MEF2A: variants seen among roughly 807,000 people sequenced by gnomAD.
MEF2A encodes myocyte-specific enhancer factor 2A.
MEF2A carries 28 observed loss-of-function variants against 55.8 expected under a neutral mutation model. The observed-to-expected ratio is 0.50, with a 90% CI of 0.37 to 0.69. The LOEUF is 0.69. Ranked by LOEUF, MEF2A falls within the 30% of genes least tolerant of loss-of-function variation. MEF2A has a pLI of 0.00. For synonymous variants in MEF2A, 239 were observed against 227.1 expected (o/e 1.05, Z -0.47); for missense variants, 528 against 626.2 (o/e 0.84, Z 1.67).
intron 1 of MEF2A, among the ~76,000 whole-genome samples, chr15:99,581,663 G>A (rs2152857375): frequency 6.6e-6 from 1 of 152,004 alleles, no homozygotes; most frequent in African/African-American, 2.4e-5. Context: ...CTATATTGTT[G>A]ATTCTGAAAT....
chr15:99,663,551 G>C (rs974104969), intron 4 of MEF2A, among the ~76,000 whole-genome samples: 8 of 151,464 alleles, frequency 5.3e-5, no homozygotes, highest in Non-Finnish European at 8.8e-5. Flanking sequence ...TATATTTTAT[G>C]TATAAAAGTT....
chr15:99,694,813 C>CT (rs1233366528), intron 8 of MEF2A, among the ~76,000 whole-genome samples: 4 of 152,168 alleles, frequency 2.6e-5, no homozygotes, highest in Non-Finnish European at 4.4e-5. Flanking sequence ...TCTCTTCTCT[C>CT]TCATTTATTC....
At chr15:99,634,792 G>A (rs2043498845) in intron 3 of MEF2A, among the ~76,000 whole-genome samples, 1 of 152,224 alleles carries the variant, frequency 6.6e-6, no homozygotes, top group South Asian at 2.1e-4. Context: ...TAGCTGCTGT[G>A]TCAGCTTCTT....
At chr15:99,637,707 C>G (rs1376527121) in intron 3 of MEF2A, among the ~76,000 whole-genome samples, 1 of 151,986 alleles carries the variant, frequency 6.6e-6, no homozygotes, top group Non-Finnish European at 1.5e-5. Flanking sequence ...CAGTGGCACG[C>G]TGTCGGCTCA....
chr15:99,566,843 G>A (rs898825413), intron 1 of MEF2A, among the ~76,000 whole-genome samples: 1 of 152,182 alleles, frequency 6.6e-6, no homozygotes, highest in African/African-American at 2.4e-5. Flanking sequence ...ACGCCCGATC[G>A]TGCGGGGAGA....
intron 1 of MEF2A, among the ~76,000 whole-genome samples, chr15:99,590,189 T>G (rs1968774203): frequency 6.6e-6 from 1 of 152,036 alleles, no homozygotes; most frequent in South Asian, 2.1e-4. Context: ...GCATAAATGT[T>G]TAGAATTATT....
At chr15:99,691,100 G>GTT (rs3979130) in intron 8 of MEF2A, among the ~76,000 whole-genome samples, 2,393 of 122,886 alleles carry the variant, frequency 0.019, 118 homozygotes, top group Admixed American at 0.064. Context: ...TTCGAATCAG[G>GTT]TTTTTTTTTT....
At chr15:99,608,823 C>T (rs779815541) in intron 2 of MEF2A, among the ~76,000 whole-genome samples, 1 of 152,058 alleles carries the variant, frequency 6.6e-6, no homozygotes, top group South Asian at 2.1e-4. Flanking sequence ...ATCACTTGAA[C>T]CCGAGATGTG....
intron 4 of MEF2A, among the ~76,000 whole-genome samples, chr15:99,664,282 G>T (rs934917796): frequency 6.6e-6 from 1 of 152,188 alleles, no homozygotes; most frequent in African/African-American, 2.4e-5. Flanking sequence ...ACTAAAGAAA[G>T]AATTTGTTGA....
intron 2 of MEF2A, among the ~76,000 whole-genome samples, chr15:99,615,380 A>G (rs1206153387): frequency 2.0e-5 from 3 of 152,140 alleles, no homozygotes; most frequent in Admixed American, 2.0e-4. Flanking sequence ...ACAGTTTTTA[A>G]TATTAAGTAA....
Position 99,700,185 on chromosome 15 carries a change from T to TACACACACACACACAC in MEF2A, c.859-3176_859-3175insCACACACACACACACA, listed in dbSNP as rs371094810. Among the ~76,000 whole-genome samples the TACACACACACACACAC allele has an allele frequency of 1.9e-3, 186 of 100,440 alleles. 4 individuals carry two copies. The highest frequency in any genetic ancestry group is 5.7e-3 in the African/African-American group (166 of 29,024). 65.9% of individuals were successfully genotyped at this position (100,440 alleles called of 152,430 possible). A position where few individuals can be genotyped will look rare whatever the true frequency, so the allele number is the denominator to read the frequency against. ...ACACATACGTATATATGTGTGTATA[T>TACACACACACACACAC]ATACACACACACACACACACACACA... On this transcript the variant is annotated intron_variant, in intron 8 of 11. Transcript: ENST00000557942.
intron 2 of MEF2A, among the ~76,000 whole-genome samples, chr15:99,624,995 A>G (rs1369754288): frequency 6.6e-6 from 1 of 152,180 alleles, no homozygotes; most frequent in African/African-American, 2.4e-5. Context: ...GAGGTAGTCA[A>G]CACTTTATTT....
chr15:99,645,910 T>G (rs1430769686), intron 4 of MEF2A, 146 bp downstream of exon 4: 2 of 582,834 alleles, frequency 3.4e-6, no homozygotes, highest in East Asian at 5.7e-5. Context: ...AGAAGAGTGA[T>G]TGCTGTATGG....
chr15:99,577,873 T>C (rs1162850276), intron 1 of MEF2A, among the ~76,000 whole-genome samples: 3 of 152,230 alleles, frequency 2.0e-5, no homozygotes, highest in Non-Finnish European at 4.4e-5. Flanking sequence ...TGCTTTCTTA[T>C]GATTAATGTG....
chr15:99,593,207 C>G (rs1156871900), intron 1 of MEF2A, among the ~76,000 whole-genome samples: 2 of 152,076 alleles, frequency 1.3e-5, no homozygotes, highest in African/African-American at 2.4e-5. Context: ...TTCCCATTAC[C>G]TCAGACTTCC....
At chr15:99,679,081 T>C (rs1367932217) in intron 7 of MEF2A, among the ~76,000 whole-genome samples, 1 of 152,176 alleles carries the variant, frequency 6.6e-6, no homozygotes, top group Non-Finnish European at 1.5e-5. Context: ...AAATAGATGG[T>C]ATACCAAATA....
rs1308523536 is a variant in MEF2A at position 99,714,138 on chromosome 15, A to T, written c.*1367A>T. Reference sequence around the variant, plus strand: ...AATCTTTGTGCTGTATGGGTTGAGCATCATTATATATTTTGTATGTGTACA... The same window carrying T: ...AATCTTTGTGCTGTATGGGTTGAGCTTCATTATATATTTTGTATGTGTACA... On this transcript the variant is annotated 3_prime_UTR_variant, in exon 12 of 12. Coordinates refer to ENST00000557942, the MANE Select transcript of MEF2A (RefSeq NM_001319206.4). The T allele has an allele frequency of 6.6e-6, 1 of 152,190 alleles. No homozygotes were observed. The highest frequency in any genetic ancestry group is 1.5e-5 in the Non-Finnish European group (1 of 68,026). The allele number at this position is 152,190 out of a possible 1,614,324, so 9.4% of individuals were successfully genotyped here.
intron 7 of MEF2A, among the ~76,000 whole-genome samples, chr15:99,682,886 G>A (rs1468918276): frequency 6.6e-6 from 1 of 152,188 alleles, no homozygotes; most frequent in Non-Finnish European, 1.5e-5. Flanking sequence ...TATAAATCAA[G>A]TAAAGAAGAA....
At chr15:99,601,691 T>G (rs1596388067) in intron 2 of MEF2A, among the ~76,000 whole-genome samples, 1 of 152,084 alleles carries the variant, frequency 6.6e-6, no homozygotes, top group Non-Finnish European at 1.5e-5. Context: ...TAATTATCAC[T>G]TGGTCATGAT....
Sources: gnomAD v4.1 joint callset for allele counts (sites outside exome capture counted in the v4.1 genomes callset) on GRCh38, gnomAD v4.1.1 for gene constraint, MANE v1.5 for transcripts, NCBI Gene and HGNC (gene_info 2026-07-23, HGNC 2026-07-21) for gene names.